HDAC6: variants seen among roughly 807,000 people sequenced by gnomAD.
HDAC6 encodes the protein protein deacetylase HDAC6.
HDAC6 carries 5 observed loss-of-function variants against 88.9 expected under a neutral mutation model. The observed-to-expected ratio is 0.06, with a 90% confidence interval of 0.03 to 0.12. HDAC6 has a LOEUF of 0.12. Ranked by LOEUF, HDAC6 falls within the 10% of genes least tolerant of loss-of-function variation. The pLI, the probability that HDAC6 is intolerant of heterozygous loss-of-function variation, is 1.00. For synonymous variants in HDAC6, 378 were observed against 398.0 expected (o/e 0.95, Z 0.60); for missense variants, 706 against 1,014.4 (o/e 0.70, Z 4.13).
At chrX:48,816,675 ATGG>A in intron 19 of HDAC6, 42 bp downstream of exon 19, 1 of 976,669 alleles carries the variant, frequency 1.0e-6, no homozygotes, top group Non-Finnish European at 1.3e-6. Context: ...CCTGGGGGGA[ATGG>A]AAAAAGAGAG....
rs375164434 is a variant in HDAC6, at chrX:48,823,383, C to T, written c.2984C>T (p.Ser995Leu). ...GGAGCTACACTGGCCCAGACCACCT[C>T]GGAGGCAGCCATGGAGGGAGCCACA... is the stretch of plus-strand genomic sequence containing the variant. ...VGGATLAQTT[S>L]EAAMEGATLD... Residue 995 changes from serine to leucine, a missense_variant, in exon 25 of 29, where the codon TCG (serine) becomes TTG (leucine). Transcript: ENST00000334136. 1.7e-5 allele frequency: 20 copies of T among 1,207,196 alleles called. No homozygotes were observed. Among genetic ancestry groups the T allele is most frequent in the Admixed American group, 1.1e-4 (5 of 45,501 alleles).
At chrX:48,824,100 G>T in intron 27 of HDAC6, 32 bp downstream of exon 27, 1 of 1,205,800 alleles carries the variant, frequency 8.3e-7, no homozygotes. Context: ...TGGGGCGGAG[G>T]TTGGCCCGGG....
At chrX:48,809,683 T>A (rs1458560411) in intron 10 of HDAC6, among the ~76,000 whole-genome samples, 1 of 110,310 alleles carries the variant, frequency 9.1e-6, no homozygotes, top group Non-Finnish European at 1.9e-5. Context: ...ACACCTGTAT[T>A]TCCAGCTACT....
chrX:48,824,119 G>A (rs1392634456), intron 27 of HDAC6, 47 bp from the exon 28 acceptor site: 28 of 1,203,458 alleles, frequency 2.3e-5, no homozygotes, highest in Non-Finnish European at 3.0e-5. Flanking sequence ...GGAGCAAACT[G>A]CAGGGGGATG....
At position 48,822,758 on chromosome X, in the gene HDAC6, G is replaced by A; in HGVS notation, c.2476G>A (p.Val826Ile). ...ALASITETIQVHRRYWRSLRV... is the reference protein window; with the variant it reads ...ALASITETIQIHRRYWRSLRV... ...GGCCTCAATCACTGAGACCATCCAA[G>A]TCCATCGCAGATACTGGCGCAGCTT... The change falls in exon 24 of 29, where the codon GTC becomes ATC. Residue 826 changes from valine (V) to isoleucine (I), a missense_variant. Around this residue, in one of 9 missense-constraint regions of HDAC6, gnomAD observed 138 missense variants for 303.5 expected, o/e 0.45. Transcript: ENST00000334136. The A allele has an allele frequency of 8.3e-7, 1 of 1,205,999 alleles. No homozygotes were observed. Among genetic ancestry groups the A allele is most frequent in the Non-Finnish European group, 1.1e-6 (1 of 892,219 alleles).
chrX:48,817,251 CAAAAAAA>C, intron 19 of HDAC6, 68 bp from the exon 20 acceptor site: 3 of 826,891 alleles, frequency 3.6e-6, no homozygotes, highest in Admixed American at 5.8e-5. Context: ...GACTCCGTCT[CAAAAAAA>C]AAAAAAAAAA....
chrX:48,816,380 C>T lies in HDAC6; in HGVS notation c.1623-85C>T, dbSNP rs1557027642. The T allele has an allele frequency of 2.7e-6, 3 of 1,119,304 alleles. No individual in the cohort carries two copies. The East Asian group carries it at 9.6e-5, about 36-fold the overall frequency. The allele number at this position is 1,119,304 out of a possible 1,213,427, so 92.2% of individuals were successfully genotyped here. On this transcript the variant is annotated intron_variant, in intron 18 of 28. Transcript: ENST00000334136. ...GAGCTGCTGCAGGACTTGAGAGGGG[C>T]TGAAGTCCCTGTCTTAGGGGTGGGG...
At chrX:48,816,982 G>A (rs1342244120) in intron 19 of HDAC6, 1 of 266,336 alleles carries the variant, frequency 3.8e-6, no homozygotes, top group Non-Finnish European at 6.6e-6. Flanking sequence ...GGGCGTGATG[G>A]CTCACACCTG....
chrX:48,822,363 T>A (rs1557030217), intron 23 of HDAC6, among the ~76,000 whole-genome samples: 1 of 112,178 alleles, frequency 8.9e-6, no homozygotes, highest in Non-Finnish European at 1.9e-5. Context: ...ACAATAAATG[T>A]CAGCTGTTAC....
In HDAC6 at chrX:48,818,308, G is replaced by A; in HGVS notation, c.2083G>A (p.Ala695Thr). The A allele has an allele frequency of 8.3e-7, 1 of 1,205,380 alleles. No homozygotes were observed. Among genetic ancestry groups the A allele is most frequent in the Admixed American group, 2.2e-5 (1 of 45,487 alleles). The stretch of plus-strand genomic sequence containing the variant: ...TGCCAGCAGCCAGATCGGCCGGGCT[G>A]CGGGCACAGGCTTCACCGTCAACGT... Reference protein sequence around the residue: ...EGASSQIGRAAGTGFTVNVAW... With the variant: ...EGASSQIGRATGTGFTVNVAW... The change falls in exon 22 of 29, where the codon GCG becomes ACG. Residue 695 changes from alanine to threonine, a missense_variant. Ala to Thr is a moderately conservative substitution (Grantham distance 58, BLOSUM62 0). This residue lies in a region of HDAC6 where 138 missense variants were observed against 303.5 expected (regional missense o/e 0.45). Coordinates refer to ENST00000334136, the MANE Select transcript of HDAC6 (RefSeq NM_006044.4).
chrX:48,823,450 G>A lies in HDAC6; in HGVS notation c.3051G>A (p.Glu1017=), dbSNP rs368186562. ...TTSEEAPGGT[E]LIQTPLASST... is the part of the protein sequence containing the mutation. ...CAGAGGAGGCTCCAGGGGGCACCGA[G>A]CTGATCCAAACTCCTCTAGCCTCGA... Residue 1017 remains glutamate, a synonymous_variant, in exon 25 of 29, where the codon GAG becomes GAA. Transcript: ENST00000334136. 1.8e-4 allele frequency: 218 copies of A among 1,209,169 alleles called. No individual in the cohort carries two copies. In the Middle Eastern group the frequency reaches 2.3e-3, roughly 13 times the overall value.
chrX:48,805,187 G>A (rs1377586764), intron 4 of HDAC6, among the ~76,000 whole-genome samples: 4 of 111,656 alleles, frequency 3.6e-5, no homozygotes, highest in African/African-American at 9.8e-5. Flanking sequence ...TGCACAGAAA[G>A]GACCGTTGAG....
chrX:48,810,100 G>A (rs1478556564), intron 10 of HDAC6, among the ~76,000 whole-genome samples: 4 of 106,446 alleles, frequency 3.8e-5, no homozygotes, highest in Non-Finnish European at 1.9e-5. Flanking sequence ...TTATTAGACA[G>A]GGTATCACTC....
At chrX:48,802,426 G>A (rs1156533680) in intron 1 of HDAC6, 6 of 973,249 alleles carry the variant, frequency 6.2e-6, no homozygotes, top group African/African-American at 3.9e-5. Flanking sequence ...CAAGACCAGG[G>A]AAAGAGAATC....
rs1557022793 is a variant in HDAC6, at chrX:48,802,740, T to G, written c.48T>G (p.Ser16Arg). The G allele has an allele frequency of 8.3e-7, 1 of 1,208,214 alleles. No individual in the cohort carries two copies. Among genetic ancestry groups the G allele is most frequent in the South Asian group, 1.8e-5 (1 of 56,473 alleles). Residue 16 changes from serine to arginine, a missense_variant, in exon 2 of 29, where the codon AGT becomes AGG. By Grantham distance (110) the Ser-to-Arg change is moderately radical. Around this residue, in one of 9 missense-constraint regions of HDAC6, gnomAD observed 193 missense variants for 258.2 expected, o/e 0.75. Transcript: ENST00000334136. ...QDSTTTRQRR[S>R]RQNPQSPPQD... ...CCACCACAACCAGGCAGCGAAGAAG[T>G]AGGCAGAACCCCCAGTCGCCCCCTC... is the stretch of plus-strand genomic sequence containing the variant.
At chrX:48,820,050 T>C (rs926411251) in intron 22 of HDAC6, 56 bp from the exon 23 acceptor site, 1 of 1,152,498 alleles carries the variant, frequency 8.7e-7, no homozygotes. Flanking sequence ...CATCACTTAC[T>C]GCCTACCAAA....
At position 48,822,813 on chromosome X, in the gene HDAC6, G is replaced by A. The variant is rs782802842; in HGVS notation, c.2512+19G>A. On this transcript the variant is annotated intron_variant, in intron 24 of 28. Transcript: ENST00000334136. ...GTCATGAGTGAGTGGATTTGGGGGT[G>A]ATGGGGGGAACCCAGGGAAGGAGGG... is the stretch of plus-strand genomic sequence containing the variant. 1.7e-6 allele frequency: 2 copies of A among 1,181,294 alleles called. No homozygotes were observed. The highest frequency in any genetic ancestry group is 2.3e-6 in the Non-Finnish European group (2 of 877,655).
rs2062755483 is a variant in HDAC6 at position 48,803,117 on chromosome X, T to C, written c.223-11T>C. 2 of 1,208,210 alleles carry C rather than the reference T, an allele frequency of 1.7e-6. No homozygotes were observed. Among genetic ancestry groups the C allele is most frequent in the Non-Finnish European group, 2.2e-6 (2 of 893,114 alleles). ...AATGGATCTGTGTCTCCTTTTTTTT[T>C]TCCTCTGCAGGATCTGAACCTTGAG... On this transcript the variant is annotated splice_polypyrimidine_tract_variant and intron_variant, in intron 3 of 28. Coordinates refer to ENST00000334136, the MANE Select transcript of HDAC6 (RefSeq NM_006044.4).
rs781914689 is a variant in HDAC6 at position 48,814,732 on chromosome X, G to A, written c.991G>A (p.Ala331Thr). 8 of 1,209,426 alleles carry A rather than the reference G, an allele frequency of 6.6e-6. No individual in the cohort carries two copies. The highest frequency in any genetic ancestry group is 4.4e-5 in the Admixed American group (2 of 45,871). ...TTTCCTGCACGTCCTGCTGCCAGTCGCCCTCGAGGTCCTGGGGATCTGGGG... is the reference window on the plus strand; with the variant it reads ...TTTCCTGCACGTCCTGCTGCCAGTCACCCTCGAGGTCCTGGGGATCTGGGG... ...AAFLHVLLPV[A>T]LEFQPQLVLV... The change falls in exon 12 of 29, where the codon GCC becomes ACC. Residue 331 changes from alanine to threonine, a missense_variant. Ala to Thr is a moderately conservative substitution (Grantham distance 58). Coordinates refer to ENST00000334136, the MANE Select transcript of HDAC6 (RefSeq NM_006044.4).
Sources: allele counts gnomAD v4.1 joint callset (sites outside exome capture counted in the v4.1 genomes callset), GRCh38; gene constraint gnomAD v4.1.1; regional missense constraint gnomAD v4.1.1; transcripts MANE v1.5; gene names NCBI Gene and HGNC (gene_info 2026-07-23, HGNC 2026-07-21).